Variants in ENTREP1 observed in about 807,000 individuals in gnomAD.
ENTREP1 encodes Friedreich ataxia region gene X123.
At chr9:69,349,140 C>A in the ENTREP1 span, among the ~76,000 whole-genome samples, 8 of 126,528 alleles carry the variant, frequency 6.3e-5, no homozygotes, top group Non-Finnish European at 1.1e-4. Flanking sequence ...GCCAAGATTG[C>A]ACCATGCTAC....
chr9:69,385,616 T>C, the ENTREP1 span, among the ~76,000 whole-genome samples: 7 of 152,228 alleles, frequency 4.6e-5, no homozygotes, highest in Non-Finnish European at 1.0e-4. Flanking sequence ...CAAGTTTTCC[T>C]GTAGTCAGTG....
the ENTREP1 span, among the ~76,000 whole-genome samples, chr9:69,327,683 G>T: frequency 6.6e-6 from 1 of 151,948 alleles, no homozygotes; most frequent in Non-Finnish European, 1.5e-5. Flanking sequence ...CTCCTGGTCT[G>T]CTGGCTGGGT....
chr9:69,333,825 G>A, the ENTREP1 span, among the ~76,000 whole-genome samples: 10,930 of 152,218 alleles, frequency 0.072, 452 homozygotes, highest in East Asian at 0.17. Context: ...AGTAGGCACC[G>A]GAGTGGGCAG....
At chr9:69,326,078 C>T in the ENTREP1 span, among the ~76,000 whole-genome samples, 3 of 152,188 alleles carry the variant, frequency 2.0e-5, no homozygotes, top group Admixed American at 6.5e-5. Flanking sequence ...ATTTGCTGCA[C>T]TGACAACGTC....
the ENTREP1 span, among the ~76,000 whole-genome samples, chr9:69,369,159 C>A: frequency 6.6e-6 from 1 of 152,142 alleles, no homozygotes; most frequent in South Asian, 2.1e-4. Context: ...AGGACATGAA[C>A]TCATTCTTTT....
the ENTREP1 span, among the ~76,000 whole-genome samples, chr9:69,361,189 T>G: frequency 6.6e-6 from 1 of 152,158 alleles, no homozygotes; most frequent in Non-Finnish European, 1.5e-5. Context: ...ATTGCTGAAT[T>G]TTTATACATG....
At chr9:69,337,064 G>T in the ENTREP1 span, among the ~76,000 whole-genome samples, 5 of 141,440 alleles carry the variant, frequency 3.5e-5, no homozygotes, top group African/African-American at 1.4e-4. Flanking sequence ...GCCCAGGCTG[G>T]AGTGCAGTGG....
At chr9:69,385,611 T>C in the ENTREP1 span, among the ~76,000 whole-genome samples, 1 of 152,170 alleles carries the variant, frequency 6.6e-6, no homozygotes, top group African/African-American at 2.4e-5. Flanking sequence ...AAAGGCAAGT[T>C]TTCCTGTAGT....
the ENTREP1 span, among the ~76,000 whole-genome samples, chr9:69,340,763 A>G: frequency 4.4e-4 from 13 of 29,256 alleles, no homozygotes; most frequent in Admixed American, 5.3e-4. Flanking sequence ...GTGTGCGTGC[A>G]TGTGTGTGTG....
At chr9:69,371,444 C>G in the ENTREP1 span, 2 of 1,187,258 alleles carry the variant, frequency 1.7e-6, no homozygotes, top group South Asian at 2.4e-5. Context: ...AGGTAAAACT[C>G]TGTCTGAATT....
chr9:69,371,404 T>A, the ENTREP1 span: 1 of 912,988 alleles, frequency 1.1e-6, no homozygotes, highest in Non-Finnish European at 1.8e-6. Flanking sequence ...AAAAATGTTC[T>A]CTTGGAAGGG....
the ENTREP1 span, among the ~76,000 whole-genome samples, chr9:69,333,813 C>T: frequency 4.6e-5 from 7 of 152,184 alleles, no homozygotes; most frequent in Non-Finnish European, 8.8e-5. Context: ...TCAGCTAAGT[C>T]CAGTAGGCAC....
chr9:69,388,159 T>C, the ENTREP1 span: 1 of 1,614,192 alleles, frequency 6.2e-7, no homozygotes. Context: ...TGCCCACAGC[T>C]GCCCCAGTGC....
chr9:69,337,879 T>C, the ENTREP1 span, among the ~76,000 whole-genome samples: 1 of 152,208 alleles, frequency 6.6e-6, no homozygotes, highest in African/African-American at 2.4e-5. Context: ...TTTGTATATA[T>C]GCTTAATAGT....
At chr9:69,362,204 G>T in the ENTREP1 span, among the ~76,000 whole-genome samples, 5 of 152,094 alleles carry the variant, frequency 3.3e-5, no homozygotes, top group Admixed American at 2.6e-4. Context: ...TAGGCAGTAG[G>T]GAAAGGTCAG....
chr9:69,325,276 GGCCGCACCCGGCC>G, the ENTREP1 span: 28 of 31,814 alleles, frequency 8.8e-4, no homozygotes, highest in Non-Finnish European at 9.8e-4. Context: ...CGCCGCAGCC[GGCCGCACCCGGCC>G]GCACCCTTCC....
chr9:69,356,527 G>C, the ENTREP1 span, among the ~76,000 whole-genome samples: 1 of 152,166 alleles, frequency 6.6e-6, no homozygotes, highest in Non-Finnish European at 1.5e-5. Flanking sequence ...TGAACCTTGA[G>C]AAGCTAAGAG....
chr9:69,378,840 T>G, the ENTREP1 span, among the ~76,000 whole-genome samples: 9 of 152,250 alleles, frequency 5.9e-5, no homozygotes, highest in African/African-American at 2.2e-4. Flanking sequence ...GAATTCAAAA[T>G]GAGCTAGACC....
At chr9:69,339,464 C>G in the ENTREP1 span, among the ~76,000 whole-genome samples, 1 of 152,128 alleles carries the variant, frequency 6.6e-6, no homozygotes, top group Admixed American at 6.5e-5. Flanking sequence ...CTCTTCTGAG[C>G]CTAGTTTTCT....
Sources: gnomAD v4.1 joint callset for allele counts (sites outside exome capture counted in the v4.1 genomes callset) on GRCh38, gnomAD v4.1.1 for gene constraint, MANE v1.5 for transcripts, NCBI Gene and HGNC (gene_info 2026-07-23, HGNC 2026-07-21) for gene names.